The following IL1RAPL1 variants were observed in gnomAD, a reference collection of about 807,000 sequenced individuals.
The protein encoded by IL1RAPL1 is interleukin 1 receptor accessory protein like 1, also known as interleukin-1 receptor accessory protein-like 1.
IL1RAPL1 carries 3 observed loss-of-function variants against 48.4 expected under a neutral mutation model. The ratio of observed to expected loss-of-function variants is 0.06; its 90% confidence interval spans 0.03 to 0.16. The LOEUF is 0.16. Ranked by LOEUF, IL1RAPL1 falls within the 10% of genes least tolerant of loss-of-function variation. The probability of loss-of-function intolerance (pLI) is 1.00; values close to 1 mark genes in which losing one functional copy is unlikely to be tolerated. For synonymous variants in IL1RAPL1, 185 were observed against 187.7 expected, an observed-to-expected ratio of 0.99 and a Z score of 0.12; for missense variants, 349 against 530.6, an observed-to-expected ratio of 0.66 and a Z score of 3.36.
chrX:29,064,222 G>A (rs932813808), intron 2 of IL1RAPL1, among the ~76,000 whole-genome samples: 23 of 112,170 alleles, frequency 2.1e-4, no homozygotes, highest in African/African-American at 6.5e-4. Context: ...GGAAACACAC[G>A]CTAGACATAT....
At chrX:29,927,034 GTTTC>G (rs1434511166) in intron 8 of IL1RAPL1, among the ~76,000 whole-genome samples, 1 of 111,993 alleles carries the variant, frequency 8.9e-6, no homozygotes, top group South Asian at 3.7e-4. Flanking sequence ...CAAAAGTTAG[GTTTC>G]TTCTATTTCC....
intron 5 of IL1RAPL1, among the ~76,000 whole-genome samples, chrX:29,613,732 T>C (rs1350067515): frequency 1.8e-4 from 17 of 97,091 alleles, no homozygotes; most frequent in African/African-American, 5.7e-4. Flanking sequence ...TGTGTGTGTG[T>C]GTGTGTGTGT....
At chrX:29,339,153 CTG>C (rs1249660976) in intron 3 of IL1RAPL1, among the ~76,000 whole-genome samples, 1 of 110,084 alleles carries the variant, frequency 9.1e-6, no homozygotes, top group Admixed American at 9.8e-5. Flanking sequence ...GTTGATGACA[CTG>C]TGATAAAAAT....
At chrX:29,427,595 G>A (rs1035422019) in intron 5 of IL1RAPL1, among the ~76,000 whole-genome samples, 2 of 111,435 alleles carry the variant, frequency 1.8e-5, no homozygotes, top group African/African-American at 6.5e-5. Flanking sequence ...TCTGGTTTGA[G>A]GTCATCACAG....
At chrX:28,696,023 T>A (rs1343774948) in intron 1 of IL1RAPL1, among the ~76,000 whole-genome samples, 3 of 112,361 alleles carry the variant, frequency 2.7e-5, no homozygotes, top group Non-Finnish European at 5.6e-5. Flanking sequence ...AAACAGGGTA[T>A]AACAAGATAA....
intron 2 of IL1RAPL1, among the ~76,000 whole-genome samples, chrX:29,100,915 A>G (rs951361132): frequency 1.8e-5 from 2 of 112,102 alleles, no homozygotes; most frequent in African/African-American, 3.2e-5. Context: ...TGAAATATTG[A>G]CAATAGAGAT....
chrX:29,212,711 G>A (rs773248763), intron 2 of IL1RAPL1, among the ~76,000 whole-genome samples: 4 of 112,356 alleles, frequency 3.6e-5, no homozygotes, highest in African/African-American at 6.5e-5. Context: ...TATATGTATC[G>A]CATACTGTAT....
intron 2 of IL1RAPL1, among the ~76,000 whole-genome samples, chrX:28,861,852 A>G (rs1921952267): frequency 9.1e-6 from 1 of 110,018 alleles, no homozygotes; most frequent in Non-Finnish European, 1.9e-5. Flanking sequence ...TGTGTTTAGT[A>G]TTTATTTAAT....
chrX:28,993,170 A>G (rs774322894), intron 2 of IL1RAPL1, among the ~76,000 whole-genome samples: 1 of 112,430 alleles, frequency 8.9e-6, no homozygotes, highest in Non-Finnish European at 1.9e-5. Flanking sequence ...CAATTTTTTG[A>G]CAAATTTGAA....
chrX:29,511,445 A>G (rs781190866), intron 5 of IL1RAPL1, among the ~76,000 whole-genome samples: 8 of 111,631 alleles, frequency 7.2e-5, no homozygotes, highest in Non-Finnish European at 1.5e-4. Flanking sequence ...GCCTATGTTC[A>G]CATTTTCCAA....
intron 1 of IL1RAPL1, among the ~76,000 whole-genome samples, chrX:28,675,416 T>A (rs17348455): frequency 0.28 from 30,876 of 110,612 alleles, 3,437 homozygotes; most frequent in Admixed American, 0.38. Context: ...TGCTTGAGCA[T>A]GTCAGCCATT....
intron 1 of IL1RAPL1, among the ~76,000 whole-genome samples, chrX:28,690,499 G>A (rs1935165376): frequency 9.0e-6 from 1 of 111,572 alleles, no homozygotes; most frequent in African/African-American, 3.3e-5. Context: ...GGAAATATTT[G>A]GTGAACAGCT....
chrX:29,671,604 C>T (rs1330692668), intron 6 of IL1RAPL1, among the ~76,000 whole-genome samples: 1 of 111,521 alleles, frequency 9.0e-6, no homozygotes, highest in Non-Finnish European at 1.9e-5. Context: ...GGCAAAAGGC[C>T]CAGAAATTTC....
intron 2 of IL1RAPL1, among the ~76,000 whole-genome samples, chrX:29,047,728 C>CTTT (rs34778253): frequency 5.1e-5 from 5 of 98,787 alleles, no homozygotes; most frequent in African/African-American, 1.9e-4. Context: ...TAAATTCAAC[C>CTTT]TTTTTTTTTT....
chrX:29,575,845 G>A (rs1220408723), intron 5 of IL1RAPL1, among the ~76,000 whole-genome samples: 1 of 111,844 alleles, frequency 8.9e-6, no homozygotes, highest in Non-Finnish European at 1.9e-5. Flanking sequence ...CCTAAACTGT[G>A]TCTCTGAGGG....
At position 29,179,762 on chromosome X, in the gene IL1RAPL1, T is replaced by C. The variant is rs1357725693; in HGVS notation, c.83-103176T>C. Among the ~76,000 whole-genome samples, 6 of 111,780 alleles carry C rather than the reference T, an allele frequency of 5.4e-5. No individual in the cohort carries two copies. In the Admixed American group the frequency reaches 5.7e-4, roughly 11 times the overall value. The stretch of plus-strand genomic sequence containing the variant: ...CCAAAACATAAGTGATATTCTCTTA[T>C]TGGTTTTGAGTATTGAGTCCTTATA... On this transcript the variant is annotated intron_variant, in intron 2 of 10. Transcript: ENST00000378993.
intron 6 of IL1RAPL1, among the ~76,000 whole-genome samples, chrX:29,818,907 C>T (rs1601838767): frequency 8.9e-6 from 1 of 111,981 alleles, no homozygotes; most frequent in Non-Finnish European, 1.9e-5. Context: ...CAGAATCCAC[C>T]TAATCACACT....
At chrX:29,935,674 T>C (rs1276877316) in intron 8 of IL1RAPL1, among the ~76,000 whole-genome samples, 1 of 111,858 alleles carries the variant, frequency 8.9e-6, no homozygotes, top group African/African-American at 3.2e-5. Context: ...CTTTTTCTTC[T>C]AGCCTTTCAT....
At chrX:29,399,076 T>C (rs1205326834) in intron 4 of IL1RAPL1, 79 bp from the exon 5 acceptor site, 1 of 800,231 alleles carries the variant, frequency 1.2e-6, no homozygotes, top group African/African-American at 2.1e-5. Context: ...TTTTAGAAGC[T>C]TTTGTTTTAG....
Sources: gnomAD v4.1 joint callset for allele counts (sites outside exome capture counted in the v4.1 genomes callset) on GRCh38, gnomAD v4.1.1 for gene constraint, MANE v1.5 for transcripts, NCBI Gene and HGNC (gene_info 2026-07-23, HGNC 2026-07-21) for gene names.